MRPS5: variants seen among roughly 807,000 people sequenced by gnomAD.
MRPS5 encodes small ribosomal subunit protein uS5m.
In MRPS5, 27 loss-of-function variants were observed where a neutral mutation model predicts 51.9. The ratio of observed to expected loss-of-function variants is 0.52; its 90% CI spans 0.38 to 0.72. The LOEUF (loss-of-function observed/expected upper bound fraction) is 0.72, where lower values mean the gene tolerates loss of function less well. Among genes scored for constraint, MRPS5 ranks in the 30% least tolerant of loss-of-function variants. MRPS5 has a pLI of 0.00. For missense variants in MRPS5, 570 were observed against 545.7 expected, an observed-to-expected ratio of 1.04 and a Z score of -0.44; for synonymous variants, 196 against 193.2, an observed-to-expected ratio of 1.01 and a Z score of -0.12.
chr2:95,095,004 A>T (rs1490456745), intron 10 of MRPS5, among the ~76,000 whole-genome samples: 3 of 152,246 alleles, frequency 2.0e-5, no homozygotes, highest in Non-Finnish European at 4.4e-5. Flanking sequence ...AGAGACACAT[A>T]TAGGCTCAAA....
In MRPS5 at chr2:95,087,101, TA is replaced by T. The variant is rs1438439561; in HGVS notation, c.*255del. ...GGTCAAATTATTAACCCCGTCTCCC[TA>T]ATTCATTTACTTTTGTTACTTTGGA... On this transcript the variant is annotated 3_prime_UTR_variant, in exon 12 of 12. Coordinates refer to ENST00000272418, the MANE Select transcript of MRPS5 (RefSeq NM_031902.5). 2 of 406,498 alleles carry T rather than the reference TA, an allele frequency of 4.9e-6. No individual in the cohort carries two copies. The highest frequency in any genetic ancestry group is 8.7e-6 in the Non-Finnish European group (2 of 229,754). 25.2% of individuals were successfully genotyped at this position (406,498 alleles called of 1,614,324 possible). A position where few individuals can be genotyped will look rare whatever the true frequency, so the allele number is the denominator to read the frequency against.
Position 95,115,309 on chromosome 2 carries a change from G to C in MRPS5, c.140-106C>G, listed in dbSNP as rs868815642. On this transcript the variant is annotated intron_variant, in intron 2 of 11. Transcript: ENST00000272418. ...AACAAAAATAAGTCACTAAAATCCT[G>C]AACTTTTAAGAATCAGATTTTTAGG... 22 of 1,096,230 alleles carry C rather than the reference G, an allele frequency of 2.0e-5. No homozygotes were observed. The Middle Eastern group carries it at 6.6e-4, about 33-fold the overall frequency. The allele number at this position is 1,096,230 out of a possible 1,614,324, so 67.9% of individuals were successfully genotyped here.
intron 10 of MRPS5, among the ~76,000 whole-genome samples, chr2:95,098,944 A>C (rs1675713549): frequency 7.0e-6 from 1 of 143,544 alleles, no homozygotes; most frequent in Admixed American, 7.0e-5. Context: ...TTTTGAGACT[A>C]GTCTTGCTCT....
chr2:95,098,650 A>G (rs1225585816), intron 10 of MRPS5, among the ~76,000 whole-genome samples: 1 of 151,936 alleles, frequency 6.6e-6, no homozygotes, highest in Non-Finnish European at 1.5e-5. Context: ...GAACACTTGG[A>G]CACAGGGTGG....
At chr2:95,114,926 T>A in intron 3 of MRPS5, 140 bp downstream of exon 3, 1 of 772,456 alleles carries the variant, frequency 1.3e-6, no homozygotes, top group Non-Finnish European at 1.9e-6. Context: ...AGGATGTACA[T>A]CAAGGAACAT....
rs371204975 is a variant in MRPS5, at chr2:95,115,163, G to A, written c.180C>T (p.Tyr60=). The change falls in exon 3 of 12, where the codon TAC becomes TAT. Residue 60 remains tyrosine (Y), a synonymous_variant. Coordinates refer to ENST00000272418, the MANE Select transcript of MRPS5 (RefSeq NM_031902.5). ...SSLGTRDTHP[Y]ASLSRALQTQ... ...TCTGCAGTGCACGGCTCAAGCTGGCGTAGGGATGGGTGTCTCTGGTTCCCA... is the reference window on the plus strand; with the variant it reads ...TCTGCAGTGCACGGCTCAAGCTGGCATAGGGATGGGTGTCTCTGGTTCCCA... 252 of 1,609,894 alleles carry A rather than the reference G, an allele frequency of 1.6e-4. No homozygotes were observed. The highest frequency in any genetic ancestry group is 2.0e-4 in the East Asian group (9 of 44,854).
At chr2:95,102,586 CAG>C (rs1357875017) in intron 7 of MRPS5, among the ~76,000 whole-genome samples, 1 of 152,120 alleles carries the variant, frequency 6.6e-6, no homozygotes, top group African/African-American at 2.4e-5. Context: ...CACTTGAGCT[CAG>C]AGAGTTGAGA....
At chr2:95,090,756 C>A in intron 10 of MRPS5, 1 of 475,108 alleles carries the variant, frequency 2.1e-6, no homozygotes, top group Non-Finnish European at 3.8e-6. Flanking sequence ...ATCTTGAACA[C>A]ATTTTGAGGG....
chr2:95,118,851 A>G (rs922222261), intron 1 of MRPS5, among the ~76,000 whole-genome samples: 3 of 152,228 alleles, frequency 2.0e-5, no homozygotes, highest in Non-Finnish European at 4.4e-5. Flanking sequence ...AATTAATTCA[A>G]AATGCACCAA....
In MRPS5 at chr2:95,101,545, AT is replaced by A. The variant is rs534555323; in HGVS notation, c.810+131del. 991 of 647,392 alleles carry A rather than the reference AT, an allele frequency of 1.5e-3. 8 individuals carry two copies. In the African/African-American group the frequency reaches 0.017, roughly 11 times the overall value. 40.1% of individuals were successfully genotyped at this position (647,392 alleles called of 1,614,324 possible). Reference sequence around the variant, plus strand: ...TTCTGAAACTGATTTTTATGAGCTAATTAACCCTTGACAGCAAGCCTCATGG... The same window carrying A: ...TTCTGAAACTGATTTTTATGAGCTAATAACCCTTGACAGCAAGCCTCATGG... On this transcript the variant is annotated intron_variant, in intron 8 of 11. Coordinates refer to ENST00000272418, the MANE Select transcript of MRPS5 (RefSeq NM_031902.5).
intron 5 of MRPS5, among the ~76,000 whole-genome samples, chr2:95,107,538 T>G (rs1261290853): frequency 6.6e-6 from 1 of 152,164 alleles, no homozygotes; most frequent in Non-Finnish European, 1.5e-5. Flanking sequence ...TTTGATCAGT[T>G]CTAAGCATGT....
intron 3 of MRPS5, 109 bp from the exon 4 acceptor site, chr2:95,110,150 T>C: frequency 2.2e-6 from 3 of 1,384,902 alleles, no homozygotes; most frequent in East Asian, 2.3e-5. Flanking sequence ...GCTTTACCCA[T>C]GCATCACTGA....
intron 10 of MRPS5, 30 bp from the exon 11 acceptor site, chr2:95,090,552 G>A (rs1558675117): frequency 1.2e-6 from 2 of 1,613,178 alleles, no homozygotes; most frequent in Non-Finnish European, 1.7e-6. Context: ...GTGAAACACA[G>A]CCCACTCGCC....
At chr2:95,107,302 G>A (rs372899449) in intron 5 of MRPS5, among the ~76,000 whole-genome samples, 1 of 151,972 alleles carries the variant, frequency 6.6e-6, no homozygotes, top group Non-Finnish European at 1.5e-5. Flanking sequence ...CTCACTCTCC[G>A]CAGATGATTC....
At chr2:95,109,562 T>C (rs529839582) in intron 4 of MRPS5, among the ~76,000 whole-genome samples, 2 of 152,388 alleles carry the variant, frequency 1.3e-5, no homozygotes, top group African/African-American at 2.4e-5. Flanking sequence ...AAACAGACTA[T>C]GTAACTCACA....
chr2:95,090,176 CAA>C (rs35901146), intron 11 of MRPS5, among the ~76,000 whole-genome samples: 21 of 43,516 alleles, frequency 4.8e-4, no homozygotes, highest in Middle Eastern at 0.013. Context: ...GACTCCGTCT[CAA>C]AAAAAAAAAA....
chr2:95,090,440 C>T lies in MRPS5; in HGVS notation c.1014G>A (p.Gly338=), dbSNP rs1675430336. 7 of 1,614,006 alleles carry T rather than the reference C, an allele frequency of 4.3e-6. No homozygotes were observed. The highest frequency in any genetic ancestry group is 3.3e-4 in the Middle Eastern group (2 of 6,082). Residue 338 remains glycine (G), a synonymous_variant, in exon 11 of 12, where the codon GGG becomes GGA. Transcript: ENST00000272418. ...GGGTGAGGCTGAGCATATTAATGGA[C>T]CCAGAGACCTTGGCATACATGTCTT... ...GIKDMYAKVS[G]SINMLSLTQG... is the part of the protein sequence containing the mutation.
intron 3 of MRPS5, among the ~76,000 whole-genome samples, chr2:95,112,865 C>T (rs1212204253): frequency 1.3e-5 from 2 of 151,910 alleles, no homozygotes; most frequent in African/African-American, 2.4e-5. Flanking sequence ...ATTAGCCGGG[C>T]GTGGTGGCGG....
intron 10 of MRPS5, among the ~76,000 whole-genome samples, chr2:95,095,800 AGAAG>A (rs1230513423): frequency 5.9e-5 from 9 of 152,308 alleles, no homozygotes; most frequent in Non-Finnish European, 1.3e-4. Flanking sequence ...AAAGAACTAG[AGAAG>A]GAAGAGCAAA....
Sources: allele counts gnomAD v4.1 joint callset (sites outside exome capture counted in the v4.1 genomes callset), GRCh38; gene constraint gnomAD v4.1.1; transcripts MANE v1.5; gene names NCBI Gene and HGNC (gene_info 2026-07-23, HGNC 2026-07-21).